The following SEMA6D variants were observed in gnomAD, a reference collection of about 807,000 sequenced individuals.
SEMA6D encodes semaphorin-6D.
SEMA6D carries 35 observed loss-of-function variants against 106.6 expected under a neutral mutation model. The observed-to-expected ratio is 0.33, with a 90% CI of 0.25 to 0.44. The LOEUF is 0.44. Ranked by LOEUF, SEMA6D falls within the 20% of genes least tolerant of loss-of-function variation. SEMA6D has a pLI of 1.00. For synonymous variants in SEMA6D, 499 were observed against 487.7 expected, an observed-to-expected ratio of 1.02 and a Z score of -0.31; for missense variants, 1,185 against 1,345.9, an observed-to-expected ratio of 0.88 and a Z score of 1.87.
At position 47,229,691 on chromosome 15, in the gene SEMA6D, G is replaced by T. The variant is rs1265047666; in HGVS notation, c.-239+45273G>T. Among the ~76,000 whole-genome samples, 4 of 152,124 alleles carry T rather than the reference G, an allele frequency of 2.6e-5. No individual in the cohort carries two copies. In the East Asian group the frequency reaches 7.7e-4, roughly 29 times the overall value. ...GCTGAAGTCATATTTGCTGGATGAT[G>T]AAGCTCCCGTTCCTTGACAATTACA... On this transcript the variant is annotated intron_variant, in intron 1 of 19. Transcript: ENST00000558014.
At position 47,252,392 on chromosome 15, in the gene SEMA6D, T is replaced by C. The variant is rs565021283; in HGVS notation, c.-239+67974T>C. 2.0e-5 allele frequency among the ~76,000 whole-genome samples: 3 copies of C among 152,284 alleles called. No homozygotes were observed. In the South Asian group the frequency reaches 6.2e-4, roughly 32 times the overall value. On this transcript the variant is annotated intron_variant, in intron 1 of 19. Coordinates refer to the SEMA6D transcript ENST00000558014. ...TCACCTCAGACCTTTATCATCTCTTTGTGGTGATAACTTTCATGATTTACT... is the reference window on the plus strand; with the variant it reads ...TCACCTCAGACCTTTATCATCTCTTCGTGGTGATAACTTTCATGATTTACT...
At chr15:47,539,378 A>T (rs1379197880) in intron 3 of SEMA6D, among the ~76,000 whole-genome samples, 2 of 151,556 alleles carry the variant, frequency 1.3e-5, no homozygotes, top group Non-Finnish European at 2.9e-5. Flanking sequence ...TCTGAGACGA[A>T]GGTCATTTGC....
At chr15:47,191,476 G>T (rs1893954786) in intron 1 of SEMA6D, among the ~76,000 whole-genome samples, 1 of 151,928 alleles carries the variant, frequency 6.6e-6, no homozygotes, top group South Asian at 2.1e-4. Flanking sequence ...CCATGGCGTG[G>T]GTATGATCAA....
chr15:47,283,690 A>G (rs1336296657), intron 1 of SEMA6D, among the ~76,000 whole-genome samples: 1 of 152,100 alleles, frequency 6.6e-6, no homozygotes, highest in Non-Finnish European at 1.5e-5. Context: ...GTCCAGCTGG[A>G]GACAATTTGA....
chr15:47,396,153 A>T (rs1464687954), intron 1 of SEMA6D, among the ~76,000 whole-genome samples: 4 of 152,092 alleles, frequency 2.6e-5, no homozygotes, highest in Non-Finnish European at 5.9e-5. Flanking sequence ...CTGGCACCTG[A>T]TCTTGGACTT....
chr15:47,348,700 CA>C (rs749936908), intron 1 of SEMA6D, among the ~76,000 whole-genome samples: 4,701 of 110,832 alleles, frequency 0.042, 76 homozygotes, highest in Middle Eastern at 0.069. Flanking sequence ...CACACACACA[CA>C]CACACACACA....
intron 1 of SEMA6D, among the ~76,000 whole-genome samples, chr15:47,303,753 A>G (rs8029600): frequency 0.99 from 150,547 of 152,266 alleles, 74,436 homozygotes; most frequent in Middle Eastern, 1. Flanking sequence ...ACGAATGATG[A>G]CACCAGTATA....
intron 1 of SEMA6D, among the ~76,000 whole-genome samples, chr15:47,276,183 C>T (rs1247768301): frequency 1.3e-5 from 2 of 152,114 alleles, no homozygotes; most frequent in African/African-American, 2.4e-5. Flanking sequence ...AAAAGGTCTC[C>T]ATAACATAAA....
intron 1 of SEMA6D, among the ~76,000 whole-genome samples, chr15:47,281,656 G>A (rs945798136): frequency 6.6e-6 from 1 of 152,116 alleles, no homozygotes; most frequent in Non-Finnish European, 1.5e-5. Context: ...TGATTTTGCA[G>A]CAGCTGGTAC....
chr15:47,227,438 T>TTTCTTTCTTTCTCTTTCTTTCTTTC (rs374904188), intron 1 of SEMA6D, among the ~76,000 whole-genome samples: 5 of 77,666 alleles, frequency 6.4e-5, no homozygotes, highest in African/African-American at 2.5e-4. Context: ...TCTTTCTTTC[T>TTTCTTTCTTTCTCTTTCTTTCTTTC]TTTCTTTCTT....
intron 1 of SEMA6D, among the ~76,000 whole-genome samples, chr15:47,224,436 GC>G (rs1304822241): frequency 6.6e-6 from 1 of 151,942 alleles, no homozygotes; most frequent in East Asian, 1.9e-4. Flanking sequence ...TCATATAATA[GC>G]TAACTTAATT....
intron 1 of SEMA6D, among the ~76,000 whole-genome samples, chr15:47,214,950 GC>G (rs904149179): frequency 6.6e-6 from 1 of 151,830 alleles, no homozygotes. Flanking sequence ...TTCTTTCTTT[GC>G]TGACAGTTAC....
chr15:47,200,650 C>T (rs1252686484), intron 1 of SEMA6D, among the ~76,000 whole-genome samples: 1 of 152,152 alleles, frequency 6.6e-6, no homozygotes, highest in East Asian at 1.9e-4. Flanking sequence ...AAGTTTCTAT[C>T]TGGTATTAGC....
At position 47,429,298 on chromosome 15, in the gene SEMA6D, T is replaced by C. The variant is rs983263951; in HGVS notation, c.-159+16826T>C. On this transcript the variant is annotated intron_variant, in intron 2 of 19. Coordinates refer to the SEMA6D transcript ENST00000558014. ...TGCTTAAATTTTCCGAGTCCTCTTA[T>C]ACAATGAGGTGCTTTCTTTTTAGCA... 1.2e-4 allele frequency among the ~76,000 whole-genome samples: 18 copies of C among 152,266 alleles called. No homozygotes were observed. In the South Asian group the frequency reaches 3.5e-3, roughly 30 times the overall value.
At chr15:47,501,496 G>A (rs991447931) in intron 3 of SEMA6D, among the ~76,000 whole-genome samples, 1 of 152,160 alleles carries the variant, frequency 6.6e-6, no homozygotes, top group Non-Finnish European at 1.5e-5. Flanking sequence ...ATGGGACATC[G>A]TTCTGTCTTC....
chr15:47,626,085 A>G (rs1201841248), intron 4 of SEMA6D, among the ~76,000 whole-genome samples: 1 of 152,190 alleles, frequency 6.6e-6, no homozygotes, highest in Non-Finnish European at 1.5e-5. Context: ...CCCAATTTAT[A>G]GGCTTTCTAG....
intron 1 of SEMA6D, among the ~76,000 whole-genome samples, chr15:47,348,731 G>C (rs1409024578): frequency 3.2e-4 from 16 of 49,382 alleles, no homozygotes; most frequent in South Asian, 1.5e-3. Flanking sequence ...CACACACAGA[G>C]AGAGAGAGAG....
chr15:47,689,219 CCTT>C (rs2078533606), intron 4 of SEMA6D, among the ~76,000 whole-genome samples: 1 of 152,270 alleles, frequency 6.6e-6, no homozygotes, highest in Non-Finnish European at 1.5e-5. Context: ...TAAAATATAT[CCTT>C]CTTGTTTCAG....
intron 4 of SEMA6D, among the ~76,000 whole-genome samples, chr15:47,621,488 A>G (rs1279663925): frequency 6.6e-6 from 1 of 152,120 alleles, no homozygotes; most frequent in African/African-American, 2.4e-5. Context: ...AACCTGTGCA[A>G]AGAGAGCAGC....
Sources: gnomAD v4.1 joint callset for allele counts (sites outside exome capture counted in the v4.1 genomes callset) on GRCh38, gnomAD v4.1.1 for gene constraint, MANE v1.5 for transcripts, NCBI Gene and HGNC (gene_info 2026-07-23, HGNC 2026-07-21) for gene names.